The following CSMD1 variants were observed in gnomAD, a reference collection of about 807,000 sequenced individuals.
The protein encoded by CSMD1 is CUB and sushi domain-containing protein 1.
Under a neutral mutation model 417.5 loss-of-function variants are expected in CSMD1, and 213 were observed. That is an observed-to-expected ratio of 0.51 (90% CI 0.46 to 0.57). The LOEUF is 0.57. Among genes scored for constraint, CSMD1 ranks in the 20% least tolerant of loss-of-function variants. CSMD1 has a pLI of 0.00. For synonymous variants in CSMD1, 2,862 were observed against 1,736.8 expected, an observed-to-expected ratio of 1.65 and a Z score of -16.11; for missense variants, 6,923 against 4,529.7, an observed-to-expected ratio of 1.53 and a Z score of -15.17.
chr8:3,590,335 C>G (rs1265553131), intron 8 of CSMD1, among the ~76,000 whole-genome samples: 6 of 152,120 alleles, frequency 3.9e-5, no homozygotes, highest in African/African-American at 1.2e-4. Context: ...AATAAAAACA[C>G]TTAGGCTGTT....
At chr8:4,812,622 A>G (rs1341687176) in intron 1 of CSMD1, among the ~76,000 whole-genome samples, 2 of 152,186 alleles carry the variant, frequency 1.3e-5, no homozygotes, top group East Asian at 3.9e-4. Flanking sequence ...CCTACATACA[A>G]TATTTTCATA....
chr8:3,237,779 A>T (rs1243854846), intron 26 of CSMD1, among the ~76,000 whole-genome samples: 2 of 107,996 alleles, frequency 1.9e-5, no homozygotes, highest in African/African-American at 6.9e-5. Flanking sequence ...TTTTATAATT[A>T]TACTTATACT....
intron 7 of CSMD1, among the ~76,000 whole-genome samples, chr8:3,652,388 T>C (rs1797901642): frequency 6.6e-6 from 1 of 152,218 alleles, no homozygotes; most frequent in Non-Finnish European, 1.5e-5. Context: ...CTTAGCACCA[T>C]CACAAATACG....
At chr8:3,141,384 G>C (rs1818429028) in intron 41 of CSMD1, among the ~76,000 whole-genome samples, 1 of 152,152 alleles carries the variant, frequency 6.6e-6, no homozygotes, top group Non-Finnish European at 1.5e-5. Flanking sequence ...ATTTGGGAAG[G>C]AATTCAATTC....
intron 2 of CSMD1, among the ~76,000 whole-genome samples, chr8:4,457,753 A>C (rs1478857489): frequency 3.9e-5 from 6 of 152,154 alleles, no homozygotes; most frequent in Non-Finnish European, 8.8e-5. Context: ...ATCCAGCAGC[A>C]TAGGACACCT....
chr8:3,285,457 G>C (rs919211590), intron 25 of CSMD1, among the ~76,000 whole-genome samples: 11 of 151,444 alleles, frequency 7.3e-5, no homozygotes, highest in African/African-American at 2.7e-4. Context: ...CATGATCTTG[G>C]CTCACTGCAA....
chr8:4,613,883 G>A (rs548740216), intron 2 of CSMD1, among the ~76,000 whole-genome samples: 2 of 134,538 alleles, frequency 1.5e-5, no homozygotes. Flanking sequence ...AAAAGAAAAC[G>A]TTCCTCAATC....
At chr8:4,298,305 C>T (rs117668135) in intron 3 of CSMD1, among the ~76,000 whole-genome samples, 2,750 of 152,242 alleles carry the variant, frequency 0.018, 45 homozygotes, top group Non-Finnish European at 0.028. Context: ...GATTCCTTTA[C>T]TGTTATTCTC....
chr8:3,460,262 G>A (rs1426488678), intron 12 of CSMD1, among the ~76,000 whole-genome samples: 2 of 152,154 alleles, frequency 1.3e-5, no homozygotes, highest in Non-Finnish European at 1.5e-5. Context: ...AATGATCCTT[G>A]TTGGGGAGAT....
intron 21 of CSMD1, among the ~76,000 whole-genome samples, chr8:3,350,040 C>A (rs1400737748): frequency 8.7e-5 from 12 of 138,610 alleles, no homozygotes. Context: ...TGTTATAATA[C>A]CTATAATAAC....
At chr8:4,143,785 G>C (rs892578387) in intron 3 of CSMD1, among the ~76,000 whole-genome samples, 1 of 151,178 alleles carries the variant, frequency 6.6e-6, no homozygotes, top group Non-Finnish European at 1.5e-5. Context: ...AGGGTGGGAG[G>C]GGGCCCAAGC....
chr8:3,766,808 C>G (rs1798295549), intron 5 of CSMD1, among the ~76,000 whole-genome samples: 1 of 152,134 alleles, frequency 6.6e-6, no homozygotes, highest in Admixed American at 6.5e-5. Flanking sequence ...AAGAACAAGT[C>G]TTATCCTAGC....
intron 49 of CSMD1, among the ~76,000 whole-genome samples, chr8:3,053,884 T>C (rs1281618858): frequency 1.3e-5 from 2 of 152,232 alleles, no homozygotes; most frequent in African/African-American, 4.8e-5. Context: ...GTATTAAAGA[T>C]ATTGTTCACA....
chr8:4,307,949 C>A (rs910082556), intron 3 of CSMD1, among the ~76,000 whole-genome samples: 1 of 152,118 alleles, frequency 6.6e-6, no homozygotes, highest in African/African-American at 2.4e-5. Flanking sequence ...TTCGGTGTAA[C>A]AGAGGAGAGA....
intron 2 of CSMD1, among the ~76,000 whole-genome samples, chr8:4,465,796 T>A (rs1053354882): frequency 8.5e-5 from 13 of 152,180 alleles, no homozygotes; most frequent in Non-Finnish European, 1.5e-5. Context: ...TGGTTATGGG[T>A]ACTTTACTGC....
chr8:3,222,436 A>T (rs947514830), intron 28 of CSMD1, among the ~76,000 whole-genome samples: 5 of 151,944 alleles, frequency 3.3e-5, no homozygotes, highest in African/African-American at 1.2e-4. Context: ...CAGCCTCTCG[A>T]GTAGCTAGAA....
At chr8:3,999,912 A>AT in intron 4 of CSMD1, among the ~76,000 whole-genome samples, 1 of 152,182 alleles carries the variant, frequency 6.6e-6, no homozygotes, top group African/African-American at 2.4e-5. Flanking sequence ...CAGGAAACTC[A>AT]TTTTTTAGAT....
chr8:3,527,603 C>G (rs78940802), intron 10 of CSMD1, among the ~76,000 whole-genome samples: 1 of 152,016 alleles, frequency 6.6e-6, no homozygotes, highest in Admixed American at 6.6e-5. Flanking sequence ...CACACACACA[C>G]GGGCATCTAA....
chr8:4,189,152 T>C (rs942423996), intron 3 of CSMD1, among the ~76,000 whole-genome samples: 1 of 152,258 alleles, frequency 6.6e-6, no homozygotes, highest in African/African-American at 2.4e-5. Flanking sequence ...GAGTCATCTC[T>C]GAGTTCACAG....
Sources: gnomAD v4.1 joint callset for allele counts (sites outside exome capture counted in the v4.1 genomes callset) on GRCh38, gnomAD v4.1.1 for gene constraint, MANE v1.5 for transcripts, NCBI Gene and HGNC (gene_info 2026-07-23, HGNC 2026-07-21) for gene names.